Variants in FBXW8 observed in about 807,000 individuals in gnomAD.
FBXW8 encodes F-box/WD repeat-containing protein 8.
Under a neutral mutation model 65.3 loss-of-function variants are expected in FBXW8, and 57 were observed. The observed-to-expected ratio is 0.87, with a 90% CI of 0.71 to 1.09. The LOEUF is 1.09. Ranked by LOEUF, FBXW8 falls within the 50% of genes least tolerant of loss-of-function variation. FBXW8 has a pLI of 0.00. For missense variants in FBXW8, 777 were observed against 814.8 expected (o/e 0.95, Z 0.57); for synonymous variants, 308 against 330.2 (o/e 0.93, Z 0.73).
chr12:117,021,839 T>A (rs1375825423), intron 8 of FBXW8, among the ~76,000 whole-genome samples: 1 of 152,228 alleles, frequency 6.6e-6, no homozygotes, highest in East Asian at 1.9e-4. Flanking sequence ...CCTCACTGTT[T>A]CTAAAGACCA....
At position 116,964,731 on chromosome 12, in the gene FBXW8, C is replaced by T. The variant is rs202064358; in HGVS notation, c.712C>T (p.Arg238Cys). ...AGGGGATGTGAGAGTGTGGGACACCCGCACCTGGGACTACGTAGCCCCCTT... is the reference window on the plus strand; with the variant it reads ...AGGGGATGTGAGAGTGTGGGACACCTGCACCTGGGACTACGTAGCCCCCTT... ...TSGDVRVWDT[R>C]TWDYVAPFLE... The change falls in exon 5 of 11, where the codon CGC (arginine) becomes TGC (cysteine). Residue 238 changes from arginine to cysteine, a missense_variant. Transcript: ENST00000652555. 7.9e-5 allele frequency: 127 copies of T among 1,613,628 alleles called. No homozygotes were observed. The highest frequency in any genetic ancestry group is 9.4e-5 in the Non-Finnish European group (111 of 1,180,018).
intron 6 of FBXW8, 115 bp downstream of exon 6, chr12:116,985,517 TACCTCC>T: frequency 1.0e-6 from 1 of 1,004,360 alleles, no homozygotes; most frequent in Non-Finnish European, 1.5e-6. Flanking sequence ...CTGCGGGCCT[TACCTCC>T]ATAAGTCTAA....
At chr12:117,026,133 C>T (rs916646933) in intron 9 of FBXW8, among the ~76,000 whole-genome samples, 1 of 152,266 alleles carries the variant, frequency 6.6e-6, no homozygotes, top group South Asian at 2.1e-4. Flanking sequence ...CTCCCGCTGT[C>T]CGCTTCAGTC....
In FBXW8 at chr12:117,024,204, G is replaced by A; in HGVS notation, c.1425G>A (p.Gln475=). The A allele has an allele frequency of 6.2e-7, 1 of 1,614,214 alleles. No individual in the cohort carries two copies. The highest frequency in any genetic ancestry group is 8.5e-7 in the Non-Finnish European group (1 of 1,180,034). Reference sequence around the variant, plus strand: ...TCGCCCTGTCGCTCTCCGCCCATCAGCTCAGGGTCTCTGCTGTGCAGATGG... The same window carrying A: ...TCGCCCTGTCGCTCTCCGCCCATCAACTCAGGGTCTCTGCTGTGCAGATGG... The part of the protein sequence containing the change: ...GNIALSLSAH[Q]LRVSAVQMDD... Residue 475 remains glutamine, a synonymous_variant, in exon 9 of 11, where the codon CAG becomes CAA. Transcript: ENST00000652555.
At chr12:116,918,217 C>CTT (rs1880600794) in intron 1 of FBXW8, among the ~76,000 whole-genome samples, 1 of 152,164 alleles carries the variant, frequency 6.6e-6, no homozygotes, top group Admixed American at 6.5e-5. Flanking sequence ...CTTCTCTTCT[C>CTT]CTCTGTTCAT....
Position 116,911,356 on chromosome 12 carries a change from G to A in FBXW8, c.318+1G>A. 1 of 1,274,742 alleles carries A rather than the reference G, an allele frequency of 7.8e-7. No homozygotes were observed. The highest frequency in any genetic ancestry group is 9.9e-7 in the Non-Finnish European group (1 of 1,014,428). The allele number at this position is 1,274,742 out of a possible 1,614,324, so 79.0% of individuals were successfully genotyped here. A position where few individuals can be genotyped will look rare whatever the true frequency, so the allele number is the denominator to read the frequency against. On this transcript the variant is annotated splice_donor_variant, in intron 1 of 10. Transcript: ENST00000652555. LOFTEE classifies it high-confidence loss of function. The stretch of plus-strand genomic sequence containing the variant: ...GGTGGACCAGCTCATCCGCGACCTG[G>A]TGAGTGGCCGTCGCCTCCCCCCCGC...
chr12:116,986,024 G>A (rs1032394930), intron 6 of FBXW8: 12 of 152,266 alleles, frequency 7.9e-5, no homozygotes, highest in African/African-American at 2.4e-4. Context: ...TGTAGAGTGG[G>A]AGATGATTTG....
intron 7 of FBXW8, among the ~76,000 whole-genome samples, chr12:116,998,526 T>C (rs1953435754): frequency 6.6e-6 from 1 of 152,224 alleles, no homozygotes; most frequent in South Asian, 2.1e-4. Flanking sequence ...TGGTTTACCA[T>C]CCTATACCAT....
At chr12:116,970,460 T>C (rs1490050886) in intron 5 of FBXW8, among the ~76,000 whole-genome samples, 1 of 152,174 alleles carries the variant, frequency 6.6e-6, no homozygotes, top group Non-Finnish European at 1.5e-5. Context: ...CGGAGGTGAC[T>C]ATGATTTCTC....
At chr12:116,981,805 G>T (rs1398676659) in intron 5 of FBXW8, among the ~76,000 whole-genome samples, 1 of 151,982 alleles carries the variant, frequency 6.6e-6, no homozygotes, top group Non-Finnish European at 1.5e-5. Flanking sequence ...CTAGAGACGG[G>T]GTTTCACTTT....
chr12:116,954,483 T>C (rs576702706), intron 4 of FBXW8, among the ~76,000 whole-genome samples: 1 of 152,342 alleles, frequency 6.6e-6, no homozygotes, highest in East Asian at 1.9e-4. Flanking sequence ...GTTATATGTA[T>C]GTTATGAATA....
At chr12:116,978,665 T>C (rs1885109012) in intron 5 of FBXW8, 1 of 152,230 alleles carries the variant, frequency 6.6e-6, no homozygotes, top group African/African-American at 2.4e-5. Context: ...GCTGAAATAA[T>C]TTCTAATCAA....
At chr12:116,999,135 G>A (rs1231761160) in intron 7 of FBXW8, among the ~76,000 whole-genome samples, 1 of 152,146 alleles carries the variant, frequency 6.6e-6, no homozygotes, top group African/African-American at 2.4e-5. Flanking sequence ...AATTTACAGG[G>A]TAAATCCCCT....
chr12:116,910,979 G>C lies in FBXW8; in HGVS notation c.-59G>C. On this transcript the variant is annotated 5_prime_UTR_variant, in exon 1 of 11. Coordinates refer to ENST00000652555, the MANE Select transcript of FBXW8 (RefSeq NM_153348.3). The stretch of plus-strand genomic sequence containing the variant: ...CCGCGGCGGACACTTCCCTGGGCGG[G>C]ACTGTCTCGTGGCACCCGGTGGAAC... 7.5e-7 allele frequency: 1 copy of C among 1,326,292 alleles called. No individual in the cohort carries two copies. Among genetic ancestry groups the C allele is most frequent in the Non-Finnish European group, 9.6e-7 (1 of 1,040,390 alleles). 82.2% of individuals were successfully genotyped at this position (1,326,292 alleles called of 1,614,324 possible).
intron 5 of FBXW8, among the ~76,000 whole-genome samples, chr12:116,970,258 C>T (rs965772645): frequency 6.6e-6 from 1 of 152,120 alleles, no homozygotes; most frequent in Non-Finnish European, 1.5e-5. Context: ...TTTATTTGTC[C>T]CCCTCAGTAG....
At chr12:116,954,302 A>G (rs922507085) in intron 4 of FBXW8, among the ~76,000 whole-genome samples, 2 of 152,088 alleles carry the variant, frequency 1.3e-5, no homozygotes, top group African/African-American at 4.8e-5. Context: ...GTGTGACTGT[A>G]GCCTTTGTTA....
chr12:116,985,194 C>T lies in FBXW8; in HGVS notation c.836-12C>T. On this transcript the variant is annotated splice_polypyrimidine_tract_variant and intron_variant, in intron 5 of 10. Transcript: ENST00000652555. ...TTTAAAATTGTTACCTGCATTGTTTCTTGCTGCATAGGGTTTCTTAATATT... is the reference window on the plus strand; with the variant it reads ...TTTAAAATTGTTACCTGCATTGTTTTTTGCTGCATAGGGTTTCTTAATATT... The T allele has an allele frequency of 6.4e-7, 1 of 1,568,574 alleles. No homozygotes were observed. The highest frequency in any genetic ancestry group is 2.3e-5 in the East Asian group (1 of 44,098).
chr12:116,984,609 A>G lies in FBXW8; in HGVS notation c.836-597A>G, dbSNP rs563038880. On this transcript the variant is annotated intron_variant, in intron 5 of 10. Transcript: ENST00000652555. Reference sequence around the variant, plus strand: ...ACTGTTTAAGCACTGACATGATGCTACATGTAGGAAATTTCACATCTAACT... The same window carrying G: ...ACTGTTTAAGCACTGACATGATGCTGCATGTAGGAAATTTCACATCTAACT... Among the ~76,000 whole-genome samples, 9 of 152,384 alleles carry G rather than the reference A, an allele frequency of 5.9e-5. No individual in the cohort carries two copies. The South Asian group carries it at 1.9e-3, about 32-fold the overall frequency.
intron 4 of FBXW8, among the ~76,000 whole-genome samples, chr12:116,953,336 G>C (rs1426915252): frequency 6.6e-6 from 1 of 152,234 alleles, no homozygotes; most frequent in Non-Finnish European, 1.5e-5. Context: ...CGTGAGTGGA[G>C]CCGCTCCGCT....
Sources: gnomAD v4.1 joint callset for allele counts (sites outside exome capture counted in the v4.1 genomes callset) on GRCh38, gnomAD v4.1.1 for gene constraint, MANE v1.5 for transcripts, NCBI Gene and HGNC (gene_info 2026-07-23, HGNC 2026-07-21) for gene names.